Variants in ZNF536 observed in about 807,000 individuals in gnomAD.
ZNF536 encodes the protein zinc finger protein 536.
ZNF536 carries 13 observed loss-of-function variants against 84.5 expected under a neutral mutation model. The observed-to-expected ratio is 0.15, with a 90% CI of 0.10 to 0.24. ZNF536 has a LOEUF of 0.24. Among genes scored for constraint, ZNF536 ranks in the 10% least tolerant of loss-of-function variants. The pLI, the probability that ZNF536 is intolerant of heterozygous loss-of-function variation, is 1.00. For missense variants in ZNF536, 1,536 were observed against 1,747.5 expected, an observed-to-expected ratio of 0.88 and a Z score of 2.16; for synonymous variants, 811 against 742.5, an observed-to-expected ratio of 1.09 and a Z score of -1.50.
At chr19:30,267,482 G>A (rs1306971104) in intron 1 of ZNF536, among the ~76,000 whole-genome samples, 4 of 152,146 alleles carry the variant, frequency 2.6e-5, no homozygotes, top group Admixed American at 1.3e-4. Flanking sequence ...AAAATAGAGT[G>A]AAGGTAGGAA....
intron 1 of ZNF536, among the ~76,000 whole-genome samples, chr19:30,567,216 A>G (rs575554985): frequency 1.6e-4 from 25 of 152,362 alleles, no homozygotes; most frequent in Admixed American, 3.9e-4. Flanking sequence ...ATGTCAGGAG[A>G]GAATGGGGCA....
At chr19:30,617,875 CCTAT>C (rs1403685528) in intron 1 of ZNF536, among the ~76,000 whole-genome samples, 2 of 152,092 alleles carry the variant, frequency 1.3e-5, no homozygotes, top group Middle Eastern at 3.2e-3. Context: ...AGACTGTTGG[CCTAT>C]CTGTCTTAAG....
At position 30,474,862 on chromosome 19, in the gene ZNF536, T is replaced by G. The variant is rs183603728; in HGVS notation, c.2170+29130T>G. ...ATATGTTCTCTGTGACCTCTGTCTT[T>G]CCTAGTTTTCCCTCTTGTCCCCCAA... is the stretch of plus-strand genomic sequence containing the variant. On this transcript the variant is annotated intron_variant, in intron 2 of 4. Coordinates refer to ENST00000355537, the MANE Select transcript of ZNF536 (RefSeq NM_014717.3). Among the ~76,000 whole-genome samples the G allele has an allele frequency of 1.3e-3, 192 of 152,132 alleles. 2 individuals are homozygous for G. The highest frequency in any genetic ancestry group is 0.011 in the South Asian group (52 of 4,796).
In ZNF536 at chr19:30,443,955, G is replaced by T. The variant is rs1237534768; in HGVS notation, c.393G>T (p.Pro131=). The change falls in exon 2 of 5, where the codon CCG becomes CCT. Residue 131 remains proline (P), a synonymous_variant. Coordinates refer to ENST00000355537, the MANE Select transcript of ZNF536 (RefSeq NM_014717.3). ...EDDARKNRKY[P]CPLCGKRFRF... ...ACGCCCGCAAGAACCGCAAGTACCC[G>T]TGCCCACTCTGCGGCAAGCGCTTCC... 1.2e-6 allele frequency: 2 copies of T among 1,613,762 alleles called. No homozygotes were observed. The highest frequency in any genetic ancestry group is 8.5e-7 in the Non-Finnish European group (1 of 1,180,022).
Position 30,553,102 on chromosome 19 carries a change from A to G in ZNF536, c.3895+3588A>G, listed in dbSNP as rs934467932. Among the ~76,000 whole-genome samples the G allele has an allele frequency of 7.2e-5, 11 of 152,228 alleles. 1 individual carries two copies. The South Asian group carries it at 2.3e-3, about 32-fold the overall frequency. On this transcript the variant is annotated intron_variant, in intron 4 of 4. Coordinates refer to ENST00000355537, the MANE Select transcript of ZNF536 (RefSeq NM_014717.3). Reference sequence around the variant, plus strand: ...TAATGTACAAGGGTACTCCAGTGCCATCGGAGAATTTGGATATGCCCTTGG... The same window carrying G: ...TAATGTACAAGGGTACTCCAGTGCCGTCGGAGAATTTGGATATGCCCTTGG...
chr19:30,692,092 T>C (rs2147915335), intron 1 of ZNF536, among the ~76,000 whole-genome samples: 1 of 152,282 alleles, frequency 6.6e-6, no homozygotes, highest in East Asian at 1.9e-4. Flanking sequence ...GGAAATGAAA[T>C]AGACGAACTT....
intron 1 of ZNF536, among the ~76,000 whole-genome samples, chr19:30,684,379 C>T (rs113082978): frequency 0.019 from 2,857 of 152,210 alleles, 79 homozygotes; most frequent in African/African-American, 0.065. Context: ...TCAAGTGATC[C>T]GCCCGCCTTG....
chr19:30,293,259 C>G (rs2045898172), intron 2 of ZNF536, among the ~76,000 whole-genome samples: 1 of 152,186 alleles, frequency 6.6e-6, no homozygotes, highest in Non-Finnish European at 1.5e-5. Context: ...CCTCTCTGTC[C>G]ACCAGGATGT....
chr19:30,597,225 C>T (rs887042578), intron 1 of ZNF536, among the ~76,000 whole-genome samples: 6 of 152,214 alleles, frequency 3.9e-5, no homozygotes, highest in Non-Finnish European at 7.3e-5. Flanking sequence ...GACTGAGTCG[C>T]TGCTATTTAG....
chr19:30,615,234 C>A (rs988385296), intron 1 of ZNF536, among the ~76,000 whole-genome samples: 1 of 150,276 alleles, frequency 6.7e-6, no homozygotes, highest in Admixed American at 6.6e-5. Flanking sequence ...CGTGAGCCAC[C>A]GCGCCCGGCC....
At chr19:30,252,517 G>T (rs1365678164) in intron 1 of ZNF536, among the ~76,000 whole-genome samples, 3 of 152,158 alleles carry the variant, frequency 2.0e-5, no homozygotes, top group Admixed American at 2.0e-4. Flanking sequence ...CCTGTGATGC[G>T]AATGGACCCT....
chr19:30,458,643 G>A (rs544659332), intron 2 of ZNF536, among the ~76,000 whole-genome samples: 1 of 151,796 alleles, frequency 6.6e-6, no homozygotes, highest in African/African-American at 2.4e-5. Context: ...GTAAAGATAG[G>A]GTTTCTCCAT....
chr19:30,625,491 T>C (rs1053273973), intron 1 of ZNF536, among the ~76,000 whole-genome samples: 1 of 152,268 alleles, frequency 6.6e-6, no homozygotes, highest in Admixed American at 6.5e-5. Flanking sequence ...TTAGGAATTA[T>C]ACCAGAAGGT....
intron 1 of ZNF536, among the ~76,000 whole-genome samples, chr19:30,263,017 T>TAGAGAACTCC (rs1170518580): frequency 3.3e-5 from 5 of 151,904 alleles, no homozygotes; most frequent in African/African-American, 1.2e-4. Context: ...TTCAGGGTGA[T>TAGAGAACTCC]AGAGAACTCC....
intron 1 of ZNF536, among the ~76,000 whole-genome samples, chr19:30,670,421 C>T (rs1324772780): frequency 6.6e-6 from 1 of 152,186 alleles, no homozygotes; most frequent in African/African-American, 2.4e-5. Flanking sequence ...CTGTGTAGGA[C>T]GATCCTATAG....
chr19:30,229,699 G>C (rs1355770880), intron 1 of ZNF536, among the ~76,000 whole-genome samples: 1 of 152,214 alleles, frequency 6.6e-6, no homozygotes, highest in African/African-American at 2.4e-5. Context: ...TTCTGATAGC[G>C]GAGTGCAAAT....
chr19:30,320,169 A>G (rs1357604088), intron 2 of ZNF536, among the ~76,000 whole-genome samples: 1 of 152,210 alleles, frequency 6.6e-6, no homozygotes, highest in Non-Finnish European at 1.5e-5. Flanking sequence ...TTGAAGAAAA[A>G]AATCACATGA....
At chr19:30,684,659 G>A (rs947181169) in intron 1 of ZNF536, among the ~76,000 whole-genome samples, 2 of 152,168 alleles carry the variant, frequency 1.3e-5, no homozygotes, top group Non-Finnish European at 2.9e-5. Context: ...TTGCTTTCCT[G>A]CTTTATCTTA....
chr19:30,266,820 AT>A (rs1326828389), intron 1 of ZNF536, among the ~76,000 whole-genome samples: 1 of 151,848 alleles, frequency 6.6e-6, no homozygotes, highest in Admixed American at 6.6e-5. Flanking sequence ...AAATTAACGG[AT>A]TTTTTTTCTT....
Sources: gnomAD v4.1 joint callset for allele counts (sites outside exome capture counted in the v4.1 genomes callset) on GRCh38, gnomAD v4.1.1 for gene constraint, MANE v1.5 for transcripts, NCBI Gene and HGNC (gene_info 2026-07-23, HGNC 2026-07-21) for gene names.